BMP6: variants seen among roughly 807,000 people sequenced by gnomAD.
The protein encoded by BMP6 is bone morphogenetic protein 6, also known as VG-1-R.
In BMP6, 17 loss-of-function variants were observed where a neutral mutation model predicts 54.1. That is an observed-to-expected ratio of 0.31 (90% confidence interval 0.22 to 0.47). BMP6 has a LOEUF of 0.47. Ranked by LOEUF, BMP6 falls within the 20% of genes least tolerant of loss-of-function variation. The probability of loss-of-function intolerance (pLI) is 1.00; values close to 1 mark genes in which losing one functional copy is unlikely to be tolerated. For synonymous variants in BMP6, 328 were observed against 291.2 expected, an observed-to-expected ratio of 1.13 and a Z score of -1.28; for missense variants, 720 against 690.4, an observed-to-expected ratio of 1.04 and a Z score of -0.48.
intron 1 of BMP6, among the ~76,000 whole-genome samples, chr6:7,752,447 C>T (rs1313639300): frequency 6.6e-6 from 1 of 152,058 alleles, no homozygotes; most frequent in Admixed American, 6.6e-5. Context: ...CTATCTAATG[C>T]CATTCAACTA....
intron 1 of BMP6, among the ~76,000 whole-genome samples, chr6:7,805,883 G>A (rs1053400797): frequency 5.9e-5 from 9 of 152,190 alleles, no homozygotes; most frequent in African/African-American, 1.9e-4. Flanking sequence ...CCCACAGTAA[G>A]CGAGGTCATC....
intron 2 of BMP6, 26 bp from the exon 3 acceptor site, chr6:7,861,425 A>G (rs762799504): frequency 6.2e-7 from 1 of 1,612,850 alleles, no homozygotes; most frequent in Non-Finnish European, 8.5e-7. Context: ...TGCGCTATTT[A>G]CCAGGCCATT....
At chr6:7,778,977 A>C (rs1338905060) in intron 1 of BMP6, among the ~76,000 whole-genome samples, 2 of 152,184 alleles carry the variant, frequency 1.3e-5, no homozygotes, top group Non-Finnish European at 2.9e-5. Context: ...CTTCTTTTTC[A>C]CCAAGCTCAC....
At chr6:7,735,787 C>T (rs575380994) in intron 1 of BMP6, among the ~76,000 whole-genome samples, 2 of 152,108 alleles carry the variant, frequency 1.3e-5, no homozygotes, top group South Asian at 2.1e-4. Flanking sequence ...CCGGTTCACT[C>T]GTAGTGTTGC....
chr6:7,831,899 G>A (rs1461011544), intron 1 of BMP6, among the ~76,000 whole-genome samples: 1 of 152,156 alleles, frequency 6.6e-6, no homozygotes, highest in Non-Finnish European at 1.5e-5. Flanking sequence ...GAAAGAGCAC[G>A]AAGCAGGACC....
chr6:7,822,089 C>T (rs956820876), intron 1 of BMP6, among the ~76,000 whole-genome samples: 5 of 151,998 alleles, frequency 3.3e-5, no homozygotes, highest in African/African-American at 4.8e-5. Flanking sequence ...GACACGATCT[C>T]GGCTGACTGC....
In BMP6 at chr6:7,880,115, G is replaced by T; in HGVS notation, c.1392+14G>T. ...GTGCAGACCTTGGTGAGCTCTCGGAGACTTTGTTTTGTAAGTGGGAGTAAG... is the reference window on the plus strand; with the variant it reads ...GTGCAGACCTTGGTGAGCTCTCGGATACTTTGTTTTGTAAGTGGGAGTAAG... On this transcript the variant is annotated intron_variant, in intron 6 of 6. Coordinates refer to ENST00000283147, the MANE Select transcript of BMP6 (RefSeq NM_001718.6). 1 of 1,614,112 alleles carries T rather than the reference G, an allele frequency of 6.2e-7. No individual in the cohort carries two copies. Among genetic ancestry groups the T allele is most frequent in the South Asian group, 1.1e-5 (1 of 91,080 alleles).
chr6:7,853,128 A>C (rs1392602504), intron 2 of BMP6, among the ~76,000 whole-genome samples: 1 of 151,914 alleles, frequency 6.6e-6, no homozygotes. Context: ...ACCTTAATGC[A>C]TTTCCTTTCT....
intron 4 of BMP6, among the ~76,000 whole-genome samples, chr6:7,869,705 G>A (rs1759488997): frequency 6.6e-6 from 1 of 152,162 alleles, no homozygotes; most frequent in African/African-American, 2.4e-5. Context: ...GTCATCACAG[G>A]GGAGACCAGG....
At chr6:7,757,998 A>G (rs77113957) in intron 1 of BMP6, among the ~76,000 whole-genome samples, 1 of 152,172 alleles carries the variant, frequency 6.6e-6, no homozygotes, top group Non-Finnish European at 1.5e-5. Context: ...GCCTCTAATT[A>G]TCTTCACAAG....
At chr6:7,753,423 C>T (rs1757456445) in intron 1 of BMP6, among the ~76,000 whole-genome samples, 1 of 152,244 alleles carries the variant, frequency 6.6e-6, no homozygotes, top group Admixed American at 6.5e-5. Flanking sequence ...AGAAATGCAG[C>T]ATCCCAGGCA....
intron 1 of BMP6, among the ~76,000 whole-genome samples, chr6:7,728,696 G>C (rs958588784): frequency 6.6e-6 from 1 of 152,196 alleles, no homozygotes; most frequent in Non-Finnish European, 1.5e-5. Context: ...GCTACGCCCG[G>C]GATGGTTGCA....
At position 7,803,620 on chromosome 6, in the gene BMP6, G is replaced by A. The variant is rs186419610; in HGVS notation, c.665-41520G>A. 3.7e-4 allele frequency among the ~76,000 whole-genome samples: 57 copies of A among 152,172 alleles called. 1 individual carries two copies. The highest frequency in any genetic ancestry group is 1.6e-3 in the Admixed American group (25 of 15,280). Reference sequence around the variant, plus strand: ...CCCCACCCTGCAAGGCCTGGTTCACGTGGCATCCCCTTCACCATGCCTCTC... The same window carrying A: ...CCCCACCCTGCAAGGCCTGGTTCACATGGCATCCCCTTCACCATGCCTCTC... On this transcript the variant is annotated intron_variant, in intron 1 of 6. Transcript: ENST00000283147.
chr6:7,806,486 TA>T (rs998371881), intron 1 of BMP6, among the ~76,000 whole-genome samples: 2 of 152,352 alleles, frequency 1.3e-5, no homozygotes, highest in Non-Finnish European at 1.5e-5. Flanking sequence ...AATTTTGACT[TA>T]CATGTGTATG....
intron 1 of BMP6, among the ~76,000 whole-genome samples, chr6:7,826,381 CAG>C (rs1402824561): frequency 2.0e-5 from 3 of 152,182 alleles, no homozygotes; most frequent in African/African-American, 7.2e-5. Flanking sequence ...CTGCAGAGGT[CAG>C]AGGGGCAGTG....
chr6:7,785,021 A>G (rs993459718), intron 1 of BMP6, among the ~76,000 whole-genome samples: 12 of 152,190 alleles, frequency 7.9e-5, no homozygotes, highest in Non-Finnish European at 1.5e-4. Context: ...AAGTGTAGTC[A>G]TGGAGATGAG....
chr6:7,858,717 A>G lies in BMP6; in HGVS notation c.858-2734A>G, dbSNP rs550232748. ...AGGAATAAAGGCTGTTGACACAGTC[A>G]ATATTCGCTGTTCCTCTGTCCCACT... On this transcript the variant is annotated intron_variant, in intron 2 of 6. Coordinates refer to ENST00000283147, the MANE Select transcript of BMP6 (RefSeq NM_001718.6). Among the ~76,000 whole-genome samples, 7 of 151,488 alleles carry G rather than the reference A, an allele frequency of 4.6e-5. No individual in the cohort carries two copies. In the East Asian group the frequency reaches 1.4e-3, roughly 29 times the overall value.
At chr6:7,800,914 G>T (rs374119936) in intron 1 of BMP6, among the ~76,000 whole-genome samples, 4 of 150,906 alleles carry the variant, frequency 2.7e-5, no homozygotes, top group African/African-American at 4.9e-5. Flanking sequence ...GCGGGGGGAG[G>T]GGGGGGCACA....
rs1163659799 is a variant in BMP6, at chr6:7,855,240, C to T, written c.858-6211C>T. On this transcript the variant is annotated intron_variant, in intron 2 of 6. Coordinates refer to ENST00000283147, the MANE Select transcript of BMP6 (RefSeq NM_001718.6). ...TGCTCATATTTCATGGAGAGGTAGT[C>T]TGGCTTTAGGTCCTTGGCTCACAAA... Among the ~76,000 whole-genome samples, 6 of 152,190 alleles carry T rather than the reference C, an allele frequency of 3.9e-5. No individual in the cohort carries two copies. In the East Asian group the frequency reaches 9.6e-4, roughly 24 times the overall value.
Sources: gnomAD v4.1 joint callset for allele counts (sites outside exome capture counted in the v4.1 genomes callset) on GRCh38, gnomAD v4.1.1 for gene constraint, MANE v1.5 for transcripts, NCBI Gene and HGNC (gene_info 2026-07-23, HGNC 2026-07-21) for gene names.